Variants in WBP2NL observed in about 807,000 individuals in gnomAD.
WBP2NL encodes the protein WBP2 N-terminal like, also known as postacrosomal sheath WW domain-binding protein.
In WBP2NL, 27 loss-of-function variants were observed where a neutral mutation model predicts 23.3. That is an observed-to-expected ratio of 1.16 (90% confidence interval 0.85 to 1.60). WBP2NL has a LOEUF of 1.60. Among genes scored for constraint, WBP2NL ranks in the 40% most tolerant of loss-of-function variants. The pLI is 0.00. For missense variants in WBP2NL, 370 were observed against 389.5 expected (o/e 0.95, Z 0.42); for synonymous variants, 151 against 145.9 (o/e 1.03, Z -0.25).
At chr22:42,001,072 C>A in intron 1 of WBP2NL, 2 of 887,482 alleles carry the variant, frequency 2.3e-6, no homozygotes, top group East Asian at 2.5e-5. Flanking sequence ...AAATAACTTA[C>A]ATGTACTTCT....
intron 1 of WBP2NL, among the ~76,000 whole-genome samples, chr22:42,016,420 G>C (rs1400133196): frequency 6.6e-6 from 1 of 152,152 alleles, no homozygotes; most frequent in Non-Finnish European, 1.5e-5. Flanking sequence ...AGTGTGTTCT[G>C]CTCCCTCCAG....
chr22:42,007,464 C>T (rs191280595), intron 1 of WBP2NL, among the ~76,000 whole-genome samples: 61 of 152,294 alleles, frequency 4.0e-4, no homozygotes, highest in African/African-American at 1.4e-3. Context: ...AATTGCCCTA[C>T]AGAATTATAT....
chr22:42,053,239 G>T (rs1925900136), intron 8 of WBP2NL, among the ~76,000 whole-genome samples: 1 of 152,124 alleles, frequency 6.6e-6, no homozygotes, highest in Non-Finnish European at 1.5e-5. Context: ...AGACGTTTGA[G>T]TTGTTTATAC....
intron 8 of WBP2NL, among the ~76,000 whole-genome samples, chr22:42,041,832 AT>A (rs1481064040): frequency 6.6e-6 from 1 of 152,216 alleles, no homozygotes; most frequent in African/African-American, 2.4e-5. Flanking sequence ...TTTAAATTCC[AT>A]TTGAAGAAAT....
chr22:42,047,902 G>A (rs1048616082), intron 8 of WBP2NL, among the ~76,000 whole-genome samples: 6 of 151,674 alleles, frequency 4.0e-5, no homozygotes, highest in African/African-American at 1.2e-4. Context: ...GATTATAGGC[G>A]TAAGCCACTG....
At chr22:42,015,532 A>C (rs1374919810) in intron 1 of WBP2NL, among the ~76,000 whole-genome samples, 1 of 151,754 alleles carries the variant, frequency 6.6e-6, no homozygotes, top group African/African-American at 2.4e-5. Flanking sequence ...CCTCCTGAGT[A>C]GCTGGGATTA....
In WBP2NL at chr22:42,028,173, G is replaced by A. The variant is rs1242625349; in HGVS notation, c.*992G>A. The A allele has an allele frequency of 2.5e-6, 1 of 398,026 alleles. No homozygotes were observed. Among genetic ancestry groups the A allele is most frequent in the Non-Finnish European group, 4.4e-6 (1 of 225,884 alleles). The allele number at this position is 398,026 out of a possible 1,614,324, so 24.7% of individuals were successfully genotyped here. A position where few individuals can be genotyped will look rare whatever the true frequency, so the allele number is the denominator to read the frequency against. ...CCATTAATAGGAAATATATGAATAG[G>A]CTATGGTATGCCCATACTACGTATG... On this transcript the variant is annotated 3_prime_UTR_variant, in exon 6 of 6. Coordinates refer to ENST00000328823, the MANE Select transcript of WBP2NL (RefSeq NM_152613.3).
downstream of WBP2NL, among the ~76,000 whole-genome samples, chr22:42,034,979 G>C (rs1354343902): frequency 6.6e-6 from 1 of 152,114 alleles, no homozygotes; most frequent in African/African-American, 2.4e-5. Flanking sequence ...TGTAGTTAAC[G>C]CAATTATTAC....
chr22:42,006,012 T>A, intron 1 of WBP2NL, among the ~76,000 whole-genome samples: 1 of 152,152 alleles, frequency 6.6e-6, no homozygotes, highest in Non-Finnish European at 1.5e-5. Context: ...GGTCAAAGAA[T>A]GGTAACATCT....
At chr22:42,046,461 A>T (rs553795992) in intron 8 of WBP2NL, among the ~76,000 whole-genome samples, 39 of 152,270 alleles carry the variant, frequency 2.6e-4, no homozygotes, top group East Asian at 1.9e-3. Context: ...GAATAAAAAA[A>T]TTTTTCTAGG....
rs144491615 is a variant in WBP2NL at position 42,003,481 on chromosome 22, T to C, written c.62+4601T>C. The C allele has an allele frequency of 4.5e-4, 68 of 152,302 alleles. 1 individual carries two copies. Among genetic ancestry groups the C allele is most frequent in the African/African-American group, 1.6e-3 (65 of 41,570 alleles). The allele number at this position is 152,302 out of a possible 1,614,324, so 9.4% of individuals were successfully genotyped here. A position where few individuals can be genotyped will look rare whatever the true frequency, so the allele number is the denominator to read the frequency against. On this transcript the variant is annotated intron_variant, in intron 1 of 5. Transcript: ENST00000328823. The stretch of plus-strand genomic sequence containing the variant: ...AATCGAAACAACAGTTTGTAATTTA[T>C]TCTGTCAGAGCAAACTGCTGATAAA...
chr22:42,048,377 A>G (rs1210258535), intron 8 of WBP2NL, among the ~76,000 whole-genome samples: 1 of 147,270 alleles, frequency 6.8e-6, no homozygotes, highest in Non-Finnish European at 1.5e-5. Flanking sequence ...ATAGAGCAAG[A>G]CTCCATCTCA....
intron 4 of WBP2NL, among the ~76,000 whole-genome samples, chr22:42,021,146 C>G (rs1413906404): frequency 6.6e-6 from 1 of 151,548 alleles, no homozygotes; most frequent in Non-Finnish European, 1.5e-5. Flanking sequence ...TCTCGAACTC[C>G]TGACCTCAGG....
At chr22:42,017,764 C>T (rs1923448257) in intron 1 of WBP2NL, among the ~76,000 whole-genome samples, 1 of 152,034 alleles carries the variant, frequency 6.6e-6, no homozygotes. Context: ...GTAGTCCTAG[C>T]ACATTGGGAG....
At chr22:42,029,500 T>C (rs1924793050), downstream of WBP2NL, among the ~76,000 whole-genome samples, 1 of 151,966 alleles carries the variant, frequency 6.6e-6, no homozygotes, top group Non-Finnish European at 1.5e-5. Flanking sequence ...ACCTCCTGAG[T>C]AGCTGGGATT....
chr22:42,018,930 AAAC>A (rs1372798826), intron 1 of WBP2NL, among the ~76,000 whole-genome samples: 1 of 151,590 alleles, frequency 6.6e-6, no homozygotes, highest in African/African-American at 2.4e-5. Flanking sequence ...AAAAAAAAAA[AAAC>A]TACATTAAGG....
At chr22:42,050,952 A>G (rs1403447446) in intron 8 of WBP2NL, among the ~76,000 whole-genome samples, 1 of 152,214 alleles carries the variant, frequency 6.6e-6, no homozygotes, top group African/African-American at 2.4e-5. Flanking sequence ...CAAACTAAAT[A>G]TACTCTTACC....
chr22:42,005,903 G>A (rs1423543816), intron 1 of WBP2NL, among the ~76,000 whole-genome samples: 1 of 152,192 alleles, frequency 6.6e-6, no homozygotes, highest in Non-Finnish European at 1.5e-5. Context: ...TGTGGAAGTG[G>A]TCCACTCAAA....
chr22:42,021,901 ATCC>A (rs1044494551), intron 4 of WBP2NL, among the ~76,000 whole-genome samples: 60 of 151,866 alleles, frequency 4.0e-4, no homozygotes, highest in African/African-American at 1.4e-3. Context: ...GGCTCAAGCA[ATCC>A]TCCTGCCTCA....
Sources: allele counts gnomAD v4.1 joint callset (sites outside exome capture counted in the v4.1 genomes callset), GRCh38; gene constraint gnomAD v4.1.1; transcripts MANE v1.5; gene names NCBI Gene and HGNC (gene_info 2026-07-23, HGNC 2026-07-21).